SH3GL3: variants seen among roughly 807,000 people sequenced by gnomAD.
SH3GL3 encodes endophilin-A3.
A neutral mutation model predicts 47.7 loss-of-function variants in SH3GL3; 33 were observed. That is an observed-to-expected ratio of 0.69 (90% confidence interval 0.52 to 0.92). The LOEUF (loss-of-function observed/expected upper bound fraction) is 0.92. Among genes scored for constraint, SH3GL3 ranks in the 40% least tolerant of loss-of-function variants. The pLI is 0.00. For missense variants in SH3GL3, 363 were observed against 417.8 expected (o/e 0.87, Z 1.14); for synonymous variants, 155 against 148.8 (o/e 1.04, Z -0.30).
chr15:83,499,141 A>G (rs577379559), intron 1 of SH3GL3, among the ~76,000 whole-genome samples: 11 of 152,124 alleles, frequency 7.2e-5, no homozygotes, highest in African/African-American at 2.4e-4. Context: ...ACAGCGTTTT[A>G]TACATATCTT....
intron 1 of SH3GL3, among the ~76,000 whole-genome samples, chr15:83,554,548 C>T (rs990294520): frequency 1.5e-4 from 23 of 152,176 alleles, no homozygotes; most frequent in East Asian, 5.8e-4. Context: ...CCACCACACC[C>T]GGCTAATTTT....
At chr15:83,530,489 CT>C (rs2043619373) in intron 1 of SH3GL3, among the ~76,000 whole-genome samples, 1 of 152,154 alleles carries the variant, frequency 6.6e-6, no homozygotes, top group African/African-American at 2.4e-5. Flanking sequence ...CCAGTGTTTT[CT>C]TTTAGATGTT....
chr15:83,587,497 T>A (rs2059985870), intron 7 of SH3GL3, among the ~76,000 whole-genome samples: 2 of 130,356 alleles, frequency 1.5e-5, no homozygotes, highest in Admixed American at 8.7e-5. Context: ...AAAAGTGAGA[T>A]GCTGTATGGA....
intron 6 of SH3GL3, among the ~76,000 whole-genome samples, chr15:83,577,427 G>T (rs1004253656): frequency 6.6e-6 from 1 of 151,712 alleles, no homozygotes; most frequent in Non-Finnish European, 1.5e-5. Context: ...TGGAGACAGG[G>T]TCTCACTCTG....
intron 1 of SH3GL3, among the ~76,000 whole-genome samples, chr15:83,525,180 T>C (rs534514411): frequency 4.7e-4 from 71 of 152,286 alleles, no homozygotes; most frequent in African/African-American, 1.6e-3. Context: ...ATTTTTTGTC[T>C]TTTTGTTGAT....
At chr15:83,614,566 G>A (rs571497034) in intron 8 of SH3GL3, among the ~76,000 whole-genome samples, 1 of 152,162 alleles carries the variant, frequency 6.6e-6, no homozygotes, top group African/African-American at 2.4e-5. Context: ...ACTGGTGGTT[G>A]TCAACCTACC....
chr15:83,526,544 G>A (rs527714560), intron 1 of SH3GL3, among the ~76,000 whole-genome samples: 14 of 152,162 alleles, frequency 9.2e-5, no homozygotes, highest in South Asian at 2.1e-4. Context: ...GGCCATTATC[G>A]TTAACAAAGT....
intron 1 of SH3GL3, among the ~76,000 whole-genome samples, chr15:83,463,142 T>C (rs944568521): frequency 2.0e-5 from 3 of 152,170 alleles, no homozygotes; most frequent in Admixed American, 2.0e-4. Context: ...CTAAAATAAC[T>C]CCACAAGAAA....
chr15:83,478,240 A>G (rs1252284869), intron 1 of SH3GL3, among the ~76,000 whole-genome samples: 1 of 152,166 alleles, frequency 6.6e-6, no homozygotes, highest in Non-Finnish European at 1.5e-5. Flanking sequence ...TAGAAGGTGT[A>G]CATGAGTCAT....
chr15:83,456,496 G>A (rs2039974646), intron 1 of SH3GL3, among the ~76,000 whole-genome samples: 1 of 73,010 alleles, frequency 1.4e-5, no homozygotes, highest in Admixed American at 1.5e-4. Flanking sequence ...GCCAGGTGTG[G>A]GATATAGTCT....
At chr15:83,535,134 T>TA (rs1269028425) in intron 1 of SH3GL3, among the ~76,000 whole-genome samples, 7 of 152,148 alleles carry the variant, frequency 4.6e-5, no homozygotes. Context: ...AAAGCCTAAT[T>TA]ATACAGTTTT....
intron 1 of SH3GL3, among the ~76,000 whole-genome samples, chr15:83,507,423 A>ATTTT (rs879316826): frequency 6.9e-6 from 1 of 144,528 alleles, no homozygotes; most frequent in Non-Finnish European, 1.5e-5. Context: ...TATTATTATT[A>ATTTT]TTTTTTTTTT....
intron 1 of SH3GL3, among the ~76,000 whole-genome samples, chr15:83,545,107 C>A (rs1244718209): frequency 6.6e-6 from 1 of 152,052 alleles, no homozygotes. Context: ...TGTGAATAAC[C>A]TTTCTATGCT....
chr15:83,631,192 C>T, the SH3GL3 span, among the ~76,000 whole-genome samples: 4 of 152,328 alleles, frequency 2.6e-5, no homozygotes, highest in South Asian at 2.1e-4. Flanking sequence ...AAGAGGTGGG[C>T]TCCCACAGCC....
intron 1 of SH3GL3, among the ~76,000 whole-genome samples, chr15:83,457,657 C>T (rs1204083452): frequency 6.6e-6 from 1 of 152,174 alleles, no homozygotes; most frequent in South Asian, 2.1e-4. Flanking sequence ...TTGCACAATC[C>T]ATAATGATTT....
chr15:83,490,429 A>G (rs77409533), intron 1 of SH3GL3, among the ~76,000 whole-genome samples: 13,494 of 152,148 alleles, frequency 0.089, 796 homozygotes, highest in East Asian at 0.26. Context: ...GAGGAAGCCA[A>G]GGTGGCCAGA....
At chr15:83,561,086 A>G (rs185764112) in intron 2 of SH3GL3, among the ~76,000 whole-genome samples, 1 of 152,278 alleles carries the variant, frequency 6.6e-6, no homozygotes, top group African/African-American at 2.4e-5. Flanking sequence ...ACTGACAATA[A>G]TCAATAGGCT....
the SH3GL3 span, among the ~76,000 whole-genome samples, chr15:83,629,180 C>G: frequency 1.2e-4 from 18 of 152,298 alleles, no homozygotes; most frequent in Non-Finnish European, 2.6e-4. Context: ...CAATGTAATT[C>G]AAATAAAAAT....
intron 8 of SH3GL3, among the ~76,000 whole-genome samples, chr15:83,595,225 A>G (rs577765388): frequency 4.2e-4 from 64 of 152,318 alleles, no homozygotes; most frequent in African/African-American, 1.5e-3. Flanking sequence ...GCTGGAGACC[A>G]TGATCCTAAG....
Sources: allele counts gnomAD v4.1 joint callset (sites outside exome capture counted in the v4.1 genomes callset), GRCh38; gene constraint gnomAD v4.1.1; transcripts MANE v1.5; gene names NCBI Gene and HGNC (gene_info 2026-07-23, HGNC 2026-07-21).